Variants in PRKN observed in about 807,000 individuals in gnomAD.
PRKN encodes the protein E3 ubiquitin-protein ligase parkin.
In PRKN, 56 loss-of-function variants were observed where a neutral mutation model predicts 59.5. The ratio of observed to expected loss-of-function variants is 0.94; its 90% CI spans 0.76 to 1.18. PRKN has a LOEUF of 1.18. PRKN is among the 50% of genes most tolerant of loss of function. The pLI, the probability that PRKN is intolerant of heterozygous loss-of-function variation, is 0.00. For missense variants in PRKN, 657 were observed against 596.4 expected, an observed-to-expected ratio of 1.10 and a Z score of -1.06; for synonymous variants, 250 against 222.1, an observed-to-expected ratio of 1.13 and a Z score of -1.12.
chr6:162,543,559 C>T lies in PRKN; in HGVS notation c.8-100086G>A, dbSNP rs144204456. 7.0e-4 allele frequency among the ~76,000 whole-genome samples: 107 copies of T among 152,246 alleles called. 1 individual carries two copies. In the East Asian group the frequency reaches 0.017, roughly 24 times the overall value. ...CTAAGTTCCTCGCCTCCCCAGTCAG[C>T]CAGTCAGCTCGGCAAAACAAAAGGA... On this transcript the variant is annotated intron_variant, in intron 1 of 11. Transcript: ENST00000366898.
intron 9 of PRKN, among the ~76,000 whole-genome samples, chr6:161,509,968 T>C (rs1373325417): frequency 1.3e-5 from 2 of 151,434 alleles, no homozygotes; most frequent in East Asian, 3.9e-4. Context: ...ATTGTGCAGC[T>C]CAACCCTGTG....
chr6:161,934,115 G>A (rs1423410426), intron 6 of PRKN, among the ~76,000 whole-genome samples: 1 of 152,236 alleles, frequency 6.6e-6, no homozygotes, highest in African/African-American at 2.4e-5. Context: ...GCTTCGCCAT[G>A]AAGTTCTCAT....
At position 162,588,523 on chromosome 6, in the gene PRKN, G is replaced by T. The variant is rs185678720; in HGVS notation, c.7+139139C>A. Among the ~76,000 whole-genome samples, 46 of 152,112 alleles carry T rather than the reference G, an allele frequency of 3.0e-4. 1 individual carries two copies. In the East Asian group the frequency reaches 7.4e-3, roughly 24 times the overall value. On this transcript the variant is annotated intron_variant, in intron 1 of 11. Coordinates refer to ENST00000366898, the MANE Select transcript of PRKN (RefSeq NM_004562.3). Reference sequence around the variant, plus strand: ...CAGGCAGTGTCCCTGTGCTTTGTGCGGTCCTGCTTTGCTTTATTAGAGCAG... The same window carrying T: ...CAGGCAGTGTCCCTGTGCTTTGTGCTGTCCTGCTTTGCTTTATTAGAGCAG...
intron 6 of PRKN, among the ~76,000 whole-genome samples, chr6:161,942,881 A>T (rs2128243554): frequency 6.6e-6 from 1 of 152,348 alleles, no homozygotes; most frequent in Middle Eastern, 3.4e-3. Flanking sequence ...AGTATCCAAC[A>T]GGAGATATTT....
At chr6:161,702,929 A>C (rs1786313219) in intron 7 of PRKN, among the ~76,000 whole-genome samples, 1 of 152,026 alleles carries the variant, frequency 6.6e-6, no homozygotes, top group Admixed American at 6.6e-5. Flanking sequence ...TATTAAAAGA[A>C]TTAAAAGACT....
chr6:162,623,564 G>T (rs1782764947), intron 1 of PRKN, among the ~76,000 whole-genome samples: 1 of 152,272 alleles, frequency 6.6e-6, no homozygotes, highest in Non-Finnish European at 1.5e-5. Flanking sequence ...CCCAAGGAGA[G>T]TTCACCAAAG....
chr6:161,749,758 C>T (rs540306788), intron 7 of PRKN, among the ~76,000 whole-genome samples: 1 of 152,160 alleles, frequency 6.6e-6, no homozygotes, highest in South Asian at 2.1e-4. Context: ...ATCAGGACTC[C>T]CCTGGCGAGG....
chr6:162,218,534 A>G lies in PRKN; in HGVS notation c.413-17282T>C, dbSNP rs78115616. On this transcript the variant is annotated intron_variant, in intron 3 of 11. Transcript: ENST00000366898. ...ACCTATCTGGGGTTGGGGATTGGAC[A>G]TGAGTTATTTATTCGTTTATTAGTT... is the stretch of plus-strand genomic sequence containing the variant. 9.7e-3 allele frequency among the ~76,000 whole-genome samples: 1,478 copies of G among 152,286 alleles called. 24 individuals carry two copies. The highest frequency in any genetic ancestry group is 0.033 in the African/African-American group (1,363 of 41,566).
rs991416206 is a variant in PRKN, at chr6:162,641,736, A to C, written c.7+85926T>G. Among the ~76,000 whole-genome samples, 3 of 152,202 alleles carry C rather than the reference A, an allele frequency of 2.0e-5. No individual in the cohort carries two copies. In the South Asian group the frequency reaches 6.2e-4, roughly 31 times the overall value. On this transcript the variant is annotated intron_variant, in intron 1 of 11. Coordinates refer to ENST00000366898, the MANE Select transcript of PRKN (RefSeq NM_004562.3). The stretch of plus-strand genomic sequence containing the variant: ...CCTCTGTTAACTCTAAGGCCAATTT[A>C]TCATTTTAACATAGAGAAGTCATTT...
intron 2 of PRKN, among the ~76,000 whole-genome samples, chr6:162,422,954 C>CAAAAAAAAAAAAAAAA (rs61557917): frequency 4.6e-5 from 3 of 65,702 alleles, no homozygotes; most frequent in Admixed American, 2.1e-4. Flanking sequence ...TCCAAGAGAC[C>CAAAAAAAAAAAAAAAA]AAAAAAAAAA....
chr6:162,152,039 TCCCACA>T (rs1782294405), intron 4 of PRKN, among the ~76,000 whole-genome samples: 2 of 152,224 alleles, frequency 1.3e-5, no homozygotes, highest in Middle Eastern at 6.8e-3. Flanking sequence ...ATATTAAGGG[TCCCACA>T]TGAGCTTCTA....
chr6:162,064,748 ATTTTC>A (rs528257094), intron 4 of PRKN, among the ~76,000 whole-genome samples: 98 of 152,374 alleles, frequency 6.4e-4, no homozygotes, highest in African/African-American at 2.3e-3. Context: ...TCAAAGTTAC[ATTTTC>A]TTTTAAGCAG....
intron 1 of PRKN, among the ~76,000 whole-genome samples, chr6:162,587,611 A>G (rs1216048077): frequency 1.3e-5 from 2 of 152,224 alleles, no homozygotes; most frequent in Admixed American, 1.3e-4. Context: ...TATAATAGTC[A>G]TAATGAAAAT....
chr6:162,351,061 G>T (rs1784604360), intron 2 of PRKN, among the ~76,000 whole-genome samples: 1 of 152,058 alleles, frequency 6.6e-6, no homozygotes, highest in African/African-American at 2.4e-5. Context: ...AAGGTGGCAT[G>T]TGCCTGTAGT....
intron 6 of PRKN, among the ~76,000 whole-genome samples, chr6:161,944,436 T>TGCCCCATC (rs998128491): frequency 6.6e-6 from 1 of 151,816 alleles, no homozygotes; most frequent in Non-Finnish European, 1.5e-5. Context: ...ATTGCCTTGT[T>TGCCCCATC]GCCCCATCAC....
chr6:161,931,293 C>G (rs1779162509), intron 6 of PRKN, among the ~76,000 whole-genome samples: 1 of 152,016 alleles, frequency 6.6e-6, no homozygotes, highest in African/African-American at 2.4e-5. Context: ...AAAAAATTAG[C>G]TGGGCATGGT....
chr6:162,260,725 C>A (rs1030493855), intron 3 of PRKN, among the ~76,000 whole-genome samples: 1 of 152,122 alleles, frequency 6.6e-6, no homozygotes, highest in African/African-American at 2.4e-5. Context: ...AATATGTACA[C>A]AACAGGATTC....
chr6:162,403,351 G>C (rs1787894353), intron 2 of PRKN, among the ~76,000 whole-genome samples: 1 of 151,948 alleles, frequency 6.6e-6, no homozygotes, highest in East Asian at 1.9e-4. Context: ...TCCCTCACCC[G>C]GGCTGCGTCT....
chr6:162,315,976 C>G (rs1351501627), intron 2 of PRKN, among the ~76,000 whole-genome samples: 1 of 151,492 alleles, frequency 6.6e-6, no homozygotes, highest in Non-Finnish European at 1.5e-5. Context: ...TGCAGTAAAT[C>G]TGGCCATCAG....
Sources: gnomAD v4.1 joint callset for allele counts (sites outside exome capture counted in the v4.1 genomes callset) on GRCh38, gnomAD v4.1.1 for gene constraint, MANE v1.5 for transcripts, NCBI Gene and HGNC (gene_info 2026-07-23, HGNC 2026-07-21) for gene names.